Variants in BAZ1A observed in about 807,000 individuals in gnomAD.
BAZ1A encodes bromodomain adjacent to zinc finger domain 1A.
In BAZ1A, 50 loss-of-function variants were observed where a neutral mutation model predicts 185.2. The ratio of observed to expected loss-of-function variants is 0.27; its 90% CI spans 0.22 to 0.34. The LOEUF (loss-of-function observed/expected upper bound fraction) is 0.34. Ranked by LOEUF, BAZ1A falls within the 10% of genes least tolerant of loss-of-function variation. BAZ1A has a pLI of 1.00. For missense variants in BAZ1A, 1,356 were observed against 1,839.9 expected (o/e 0.74, Z 4.81); for synonymous variants, 571 against 615.6 (o/e 0.93, Z 1.07).
At chr14:34,845,068 TATG>T (rs1157200354) in intron 3 of BAZ1A, among the ~76,000 whole-genome samples, 2 of 152,226 alleles carry the variant, frequency 1.3e-5, no homozygotes, top group Admixed American at 6.5e-5. Flanking sequence ...CCACAAAGCC[TATG>T]ATATTTACTA....
rs114605947 is a variant in BAZ1A at position 34,822,407 on chromosome 14, C to T, written c.536+3606G>A. On this transcript the variant is annotated intron_variant, in intron 4 of 26. Coordinates refer to ENST00000360310, the MANE Select transcript of BAZ1A (RefSeq NM_013448.3). ...AGGAGGTTGAGGTGGGTGAATTACT[C>T]GAGCTTAGGAATACCAAACCAGCCT... Among the ~76,000 whole-genome samples the T allele has an allele frequency of 6.1e-3, 934 of 152,120 alleles. 15 individuals carry two copies. Among genetic ancestry groups the T allele is most frequent in the African/African-American group, 0.022 (901 of 41,508 alleles).
Position 34,811,004 on chromosome 14 carries a change from A to C in BAZ1A, c.569T>G (p.Phe190Cys), listed in dbSNP as rs1340887525. Residue 190 changes from phenylalanine to cysteine, a missense_variant, in exon 5 of 27, where the codon TTC becomes TGC. Coordinates refer to ENST00000360310, the MANE Select transcript of BAZ1A (RefSeq NM_013448.3). ...KKKDAIDPLL[F>C]KYKVQPTKKE... The stretch of plus-strand genomic sequence containing the variant: ...TTTAGTGGGTTGCACTTTATACTTG[A>C]ATAGTAAGGGATCAATTGCATCTTT... The C allele has an allele frequency of 6.2e-7, 1 of 1,607,564 alleles. No homozygotes were observed. The highest frequency in any genetic ancestry group is 2.2e-5 in the East Asian group (1 of 44,700).
chr14:34,875,265 C>T lies in BAZ1A; in HGVS notation c.-186G>A, dbSNP rs554602520. The T allele has an allele frequency of 4.5e-4, 207 of 455,242 alleles. No individual in the cohort carries two copies. The highest frequency in any genetic ancestry group is 1.6e-3 in the Admixed American group (66 of 42,564). 28.2% of individuals were successfully genotyped at this position (455,242 alleles called of 1,614,324 possible). ...CCCCTGGCTGCCGCTTCTCCCGCTG[C>T]CACTGCCCGACTCCGCGCGGGGAAT... On this transcript the variant is annotated 5_prime_UTR_variant, in exon 1 of 27. Coordinates refer to ENST00000360310, the MANE Select transcript of BAZ1A (RefSeq NM_013448.3).
chr14:34,855,974 T>C (rs1445187973), intron 3 of BAZ1A, among the ~76,000 whole-genome samples: 1 of 152,056 alleles, frequency 6.6e-6, no homozygotes, highest in Non-Finnish European at 1.5e-5. Flanking sequence ...GAACAAAAAA[T>C]GGAACAGAAA....
Position 34,765,110 on chromosome 14 carries a change from A to C in BAZ1A, c.3460T>G (p.Cys1154Gly). The change falls in exon 22 of 27, where the codon TGT (cysteine) becomes GGT (glycine). Residue 1154 changes from cysteine (C) to glycine (G), a missense_variant. By Grantham distance (159) the Cys-to-Gly change is radical. Around this residue, in one of 7 missense-constraint regions of BAZ1A, gnomAD observed 309 missense variants for 355.3 expected, o/e 0.87. Transcript: ENST00000360310. ...KSILNARCKI[C>G]RKKGDAENMV... ...TTTTCAGCATCGCCTTTCTTTCGAC[A>C]TATCTTGCAACGCGCATTCAGTATA... is the stretch of plus-strand genomic sequence containing the variant. The C allele has an allele frequency of 6.2e-7, 1 of 1,614,164 alleles. No homozygotes were observed. Among genetic ancestry groups the C allele is most frequent in the Non-Finnish European group, 8.5e-7 (1 of 1,180,008 alleles).
chr14:34,789,309 C>T (rs539884910), intron 12 of BAZ1A, among the ~76,000 whole-genome samples: 2 of 152,108 alleles, frequency 1.3e-5, no homozygotes, highest in East Asian at 1.9e-4. Context: ...TATAAAAAGG[C>T]CTTTAGGAAA....
intron 21 of BAZ1A, 76 bp from the exon 22 acceptor site, chr14:34,765,344 T>G (rs772257354): frequency 1.3e-4 from 205 of 1,524,944 alleles, no homozygotes; most frequent in Non-Finnish European, 1.8e-4. Context: ...TTGTTGGTAG[T>G]TTAAATATAG....
intron 15 of BAZ1A, 53 bp from the exon 16 acceptor site, chr14:34,783,285 C>A: frequency 9.8e-7 from 1 of 1,018,122 alleles, no homozygotes; most frequent in South Asian, 1.4e-5. Context: ...ATACATTTCA[C>A]TTTTAGCATC....
chr14:34,832,164 ATGTGT>A (rs1343360017), intron 3 of BAZ1A, among the ~76,000 whole-genome samples: 1 of 145,334 alleles, frequency 6.9e-6, no homozygotes, highest in Non-Finnish European at 1.5e-5. Context: ...ATGTATGTGT[ATGTGT>A]GTATATATAC....
intron 23 of BAZ1A, among the ~76,000 whole-genome samples, chr14:34,763,425 A>ATTTT (rs1566546456): frequency 6.6e-6 from 1 of 151,664 alleles, no homozygotes; most frequent in African/African-American, 2.4e-5. Context: ...AATGTTTAAA[A>ATTTT]AAAAAAAAAA....
chr14:34,763,278 G>A (rs1057426476), intron 23 of BAZ1A, among the ~76,000 whole-genome samples: 2 of 152,066 alleles, frequency 1.3e-5, no homozygotes, highest in African/African-American at 4.8e-5. Context: ...CTTCTAGCTG[G>A]TATTTCTTAA....
chr14:34,780,135 A>G (rs781081601), intron 17 of BAZ1A, 51 bp downstream of exon 17: 11 of 1,602,524 alleles, frequency 6.9e-6, no homozygotes, highest in Non-Finnish European at 9.4e-6. Flanking sequence ...AAAGTGCTTT[A>G]TTGGTTAAAA....
chr14:34,858,128 T>A (rs1465471930), intron 3 of BAZ1A, among the ~76,000 whole-genome samples: 1 of 152,106 alleles, frequency 6.6e-6, no homozygotes. Flanking sequence ...AAAGAAAATA[T>A]GTTAATAGTG....
At chr14:34,851,377 C>T (rs1248262091) in intron 3 of BAZ1A, among the ~76,000 whole-genome samples, 1 of 148,664 alleles carries the variant, frequency 6.7e-6, no homozygotes, top group African/African-American at 2.5e-5. Flanking sequence ...AAATGGGTTG[C>T]CCAAAGCCCA....
intron 9 of BAZ1A, among the ~76,000 whole-genome samples, chr14:34,798,557 T>A (rs1212114404): frequency 2.0e-5 from 3 of 152,080 alleles, no homozygotes; most frequent in Non-Finnish European, 4.4e-5. Flanking sequence ...CCAGGCAACC[T>A]CATCAAAAAA....
At chr14:34,859,269 T>TA (rs571311469) in intron 3 of BAZ1A, among the ~76,000 whole-genome samples, 5 of 151,874 alleles carry the variant, frequency 3.3e-5, no homozygotes, top group South Asian at 4.2e-4. Flanking sequence ...TACTAAAAGT[T>TA]AAAAAAATAA....
intron 3 of BAZ1A, among the ~76,000 whole-genome samples, chr14:34,853,648 G>A (rs557218028): frequency 2.6e-5 from 4 of 152,220 alleles, no homozygotes; most frequent in Non-Finnish European, 5.9e-5. Flanking sequence ...TTAGCCAGGC[G>A]TGGTGGCACA....
At chr14:34,796,161 T>C (rs374926430) in intron 9 of BAZ1A, among the ~76,000 whole-genome samples, 1 of 78,088 alleles carries the variant, frequency 1.3e-5, no homozygotes, top group South Asian at 5.0e-4. Flanking sequence ...CATATACATA[T>C]ACATACACAC....
chr14:34,832,197 C>T (rs1283436336), intron 3 of BAZ1A, among the ~76,000 whole-genome samples: 2 of 80,988 alleles, frequency 2.5e-5, no homozygotes, highest in Non-Finnish European at 5.5e-5. Flanking sequence ...CATATACACA[C>T]ACACACACAC....
Sources: gnomAD v4.1 joint callset for allele counts (sites outside exome capture counted in the v4.1 genomes callset) on GRCh38, gnomAD v4.1.1 for gene constraint, gnomAD v4.1.1 regional missense constraint, MANE v1.5 for transcripts, NCBI Gene and HGNC (gene_info 2026-07-23, HGNC 2026-07-21) for gene names.